DPF3: variants seen among roughly 807,000 people sequenced by gnomAD.
The protein encoded by DPF3 is double PHD fingers 3.
A neutral mutation model predicts 56.8 loss-of-function variants in DPF3; 18 were observed. The observed-to-expected ratio is 0.32, with a 90% CI of 0.22 to 0.47. DPF3 has a LOEUF of 0.47. DPF3 is among the 20% of genes least tolerant of loss of function. The pLI, the probability that DPF3 is intolerant of heterozygous loss-of-function variation, is 1.00. For missense variants in DPF3, 403 were observed against 488.8 expected (o/e 0.82, Z 1.65); for synonymous variants, 188 against 180.2 (o/e 1.04, Z -0.35).
intron 1 of DPF3, among the ~76,000 whole-genome samples, chr14:72,809,614 G>A (rs967636127): frequency 3.9e-5 from 6 of 152,116 alleles, no homozygotes; most frequent in Non-Finnish European, 7.4e-5. Flanking sequence ...GCAGGTCCTC[G>A]GCGCCTGGTG....
chr14:72,685,164 T>C (rs1228974622), intron 7 of DPF3, among the ~76,000 whole-genome samples: 2 of 152,088 alleles, frequency 1.3e-5, no homozygotes, highest in Non-Finnish European at 2.9e-5. Context: ...AAAGCCACAA[T>C]GCAGCATGAT....
intron 1 of DPF3, among the ~76,000 whole-genome samples, chr14:72,881,737 C>T (rs1257194489): frequency 6.6e-6 from 1 of 152,052 alleles, no homozygotes; most frequent in African/African-American, 2.4e-5. Context: ...GCCGGCCAGC[C>T]CTGATAAATC....
Position 72,707,186 on chromosome 14 carries a change from A to G in DPF3, c.604+7237T>C, listed in dbSNP as rs190934679. 6.7e-3 allele frequency among the ~76,000 whole-genome samples: 1,013 copies of G among 152,278 alleles called. 14 individuals carry two copies. The highest frequency in any genetic ancestry group is 0.024 in the African/African-American group (980 of 41,542). On this transcript the variant is annotated intron_variant, in intron 6 of 10. Coordinates refer to ENST00000556509, the MANE Select transcript of DPF3 (RefSeq NM_001280542.3). ...ATTTTTTATGGCTGCATAGTATTCC[A>G]TGGTGTACATGTGCCACATTTTCTT...
chr14:72,620,939 G>A (rs1254254121), intron 9 of DPF3, among the ~76,000 whole-genome samples: 13 of 152,248 alleles, frequency 8.5e-5, no homozygotes, highest in African/African-American at 2.9e-4. Context: ...TCTGGAGTTC[G>A]AGACCAGCTT....
chr14:72,868,176 T>A (rs1025423709), intron 1 of DPF3, among the ~76,000 whole-genome samples: 8 of 152,198 alleles, frequency 5.3e-5, no homozygotes, highest in Non-Finnish European at 1.2e-4. Flanking sequence ...ATTCAATGCC[T>A]TTTTAACCTT....
At chr14:72,882,872 C>T (rs932851555) in intron 1 of DPF3, among the ~76,000 whole-genome samples, 1 of 152,138 alleles carries the variant, frequency 6.6e-6, no homozygotes, top group Non-Finnish European at 1.5e-5. Flanking sequence ...TCCTGGTTTG[C>T]TAGCACTTAC....
chr14:72,893,910 GAAGT>G (rs1248807306), intron 1 of DPF3, 143 bp downstream of exon 1: 101 of 840,262 alleles, frequency 1.2e-4, no homozygotes, highest in Middle Eastern at 5.5e-4. Flanking sequence ...AGAAGATGAA[GAAGT>G]AAGAGCTGAA....
rs58089317 is a variant in DPF3, at chr14:72,890,501, G to GATAATAATAATAATAATAATAATA, written c.32+3555_32+3556insTATTATTATTATTATTATTATTAT. Among the ~76,000 whole-genome samples the GATAATAATAATAATAATAATAATA allele has an allele frequency of 6.1e-3, 893 of 146,506 alleles. 8 individuals carry two copies. The highest frequency in any genetic ancestry group is 8.8e-3 in the East Asian group (44 of 4,982). On this transcript the variant is annotated intron_variant, in intron 1 of 10. Coordinates refer to ENST00000556509, the MANE Select transcript of DPF3 (RefSeq NM_001280542.3). ...GCAACACCCTGTCTCAAAAAATAAT[G>GATAATAATAATAATAATAATAATA]ATAATAATAATAATAATAATAGCAT...
intron 1 of DPF3, among the ~76,000 whole-genome samples, chr14:72,889,550 C>T (rs1212200747): frequency 1.3e-5 from 2 of 152,182 alleles, no homozygotes; most frequent in Non-Finnish European, 2.9e-5. Flanking sequence ...CCCCCAACCT[C>T]GACAGAAAGA....
rs116182805 is a variant in DPF3, at chr14:72,850,264, C to T, written c.32+43793G>A. ...CTTGGGTTGAATGTGAACATCCTCC[C>T]TGGAAGGGCATAAACTTCCCAGTTG... is the stretch of plus-strand genomic sequence containing the variant. On this transcript the variant is annotated intron_variant, in intron 1 of 10. Coordinates refer to ENST00000556509, the MANE Select transcript of DPF3 (RefSeq NM_001280542.3). Among the ~76,000 whole-genome samples, 684 of 152,268 alleles carry T rather than the reference C, an allele frequency of 4.5e-3. 4 individuals are homozygous for T. The highest frequency in any genetic ancestry group is 0.016 in the African/African-American group (660 of 41,554).
chr14:72,862,354 T>C (rs772785653), intron 1 of DPF3, among the ~76,000 whole-genome samples: 1 of 152,180 alleles, frequency 6.6e-6, no homozygotes, highest in Non-Finnish European at 1.5e-5. Flanking sequence ...CACCGTCTCA[T>C]CTTCCACTTG....
chr14:72,629,255 T>A (rs1599315513), intron 9 of DPF3, among the ~76,000 whole-genome samples: 1 of 152,360 alleles, frequency 6.6e-6, no homozygotes, highest in East Asian at 1.9e-4. Flanking sequence ...ATTGGACGTG[T>A]ACTGATCTTT....
Position 72,691,816 on chromosome 14 carries a change from G to A in DPF3, c.742+1260C>T, listed in dbSNP as rs188834108. On this transcript the variant is annotated intron_variant, in intron 7 of 10. Transcript: ENST00000556509. ...GAGGGATAACTGTGCGAGCGGACAG[G>A]AGAAGGCAGCATCTGCAAGTCAAGG... Among the ~76,000 whole-genome samples the A allele has an allele frequency of 2.6e-3, 394 of 152,102 alleles. 3 individuals are homozygous for A. Among genetic ancestry groups the A allele is most frequent in the Non-Finnish European group, 5.1e-3 (347 of 68,000 alleles).
intron 1 of DPF3, among the ~76,000 whole-genome samples, chr14:72,849,455 C>T (rs1175527752): frequency 2.0e-5 from 3 of 152,322 alleles, no homozygotes; most frequent in Admixed American, 6.5e-5. Context: ...ACGCTGCTGC[C>T]GCCCACATCT....
intron 1 of DPF3, among the ~76,000 whole-genome samples, chr14:72,789,204 C>T (rs550876484): frequency 6.6e-6 from 1 of 152,278 alleles, no homozygotes; most frequent in Non-Finnish European, 1.5e-5. Context: ...CCAGATGGCC[C>T]TGACAGTGGG....
At chr14:72,817,127 CA>C (rs1411974160) in intron 1 of DPF3, among the ~76,000 whole-genome samples, 1 of 152,210 alleles carries the variant, frequency 6.6e-6, no homozygotes, top group Admixed American at 6.5e-5. Context: ...GGACAGCGTC[CA>C]GGGGTCCTCC....
intron 2 of DPF3, among the ~76,000 whole-genome samples, chr14:72,756,822 CAGA>C (rs1392463733): frequency 7.1e-5 from 5 of 70,064 alleles, no homozygotes; most frequent in African/African-American, 3.4e-4. Flanking sequence ...GAAAGAAAGA[CAGA>C]AAGAAAGAAA....
At chr14:72,782,787 T>A (rs1205760259) in intron 1 of DPF3, among the ~76,000 whole-genome samples, 1 of 151,952 alleles carries the variant, frequency 6.6e-6, no homozygotes, top group Admixed American at 6.6e-5. Context: ...GAGCCGAGAT[T>A]GCACCACTGC....
rs866844011 is a variant in DPF3, at chr14:72,839,070, G to A, written c.32+54987C>T. 7.3e-5 allele frequency among the ~76,000 whole-genome samples: 11 copies of A among 151,092 alleles called. No individual in the cohort carries two copies. The South Asian group carries it at 1.3e-3, about 17-fold the overall frequency. ...TGAGTAGCTGGGATTACAGGAGCAC[G>A]CCACCACACCCAGCTAATTTTTGTA... is the stretch of plus-strand genomic sequence containing the variant. On this transcript the variant is annotated intron_variant, in intron 1 of 10. Coordinates refer to ENST00000556509, the MANE Select transcript of DPF3 (RefSeq NM_001280542.3).
Sources: allele counts gnomAD v4.1 joint callset (sites outside exome capture counted in the v4.1 genomes callset), GRCh38; gene constraint gnomAD v4.1.1; transcripts MANE v1.5; gene names NCBI Gene and HGNC (gene_info 2026-07-23, HGNC 2026-07-21).